Variants in ACSM2A observed in about 807,000 individuals in gnomAD.
ACSM2A encodes the protein acyl-coenzyme A synthetase ACSM2A, mitochondrial.
Under a neutral mutation model 76.6 loss-of-function variants are expected in ACSM2A, and 72 were observed. The ratio of observed to expected loss-of-function variants is 0.94; its 90% confidence interval spans 0.78 to 1.14. The LOEUF (loss-of-function observed/expected upper bound fraction) is 1.14. ACSM2A is among the 50% of genes most tolerant of loss of function. The pLI, the probability that ACSM2A is intolerant of heterozygous loss-of-function variation, is 0.00. For synonymous variants in ACSM2A, 249 were observed against 255.9 expected, an observed-to-expected ratio of 0.97 and a Z score of 0.26; for missense variants, 684 against 708.5, an observed-to-expected ratio of 0.97 and a Z score of 0.39.
At chr16:20,475,222 C>A (rs866736598) in intron 6 of ACSM2A, 140 bp from the exon 7 acceptor site, 4 of 1,544,156 alleles carry the variant, frequency 2.6e-6, no homozygotes, top group Non-Finnish European at 3.5e-6. Context: ...CTCATTTAAC[C>A]TGAATCAGAC....
chr16:20,469,870 GTATTTTTT>G (rs2013274746), intron 4 of ACSM2A, 151 bp downstream of exon 4: 21 of 616,404 alleles, frequency 3.4e-5, no homozygotes, highest in South Asian at 7.1e-5. Context: ...TAACACAAGG[GTATTTTTT>G]TTTTTTTTTT....
intron 13 of ACSM2A, among the ~76,000 whole-genome samples, chr16:20,484,017 A>G (rs1256595951): frequency 1.3e-5 from 2 of 150,984 alleles, no homozygotes; most frequent in African/African-American, 4.9e-5. Context: ...GCAGCTTAGA[A>G]AACTCCAGTA....
At chr16:20,482,666 G>A (rs755871244) in intron 12 of ACSM2A, 16 of 168,016 alleles carry the variant, frequency 9.5e-5, no homozygotes, top group East Asian at 1.6e-4. Flanking sequence ...TTTATTTACC[G>A]TAAGTTAAAT....
rs1415469459 is a variant in ACSM2A, at chr16:20,469,870, GTATTT to G, written c.596+153_596+157del. On this transcript the variant is annotated intron_variant, in intron 4 of 13. Transcript: ENST00000573854. ...GGAAGAAATAAAAGCTAACACAAGGGTATTTTTTTTTTTTTTTTTTTTTTTTCAAA... is the reference window on the plus strand; with the variant it reads ...GGAAGAAATAAAAGCTAACACAAGGGTTTTTTTTTTTTTTTTTTTTTCAAA... The G allele has an allele frequency of 1.2e-3, 751 of 616,914 alleles. 5 individuals carry two copies. Among genetic ancestry groups the G allele is most frequent in the East Asian group, 3.4e-3 (63 of 18,590 alleles). 38.2% of individuals were successfully genotyped at this position (616,914 alleles called of 1,614,324 possible). A position where few individuals can be genotyped will look rare whatever the true frequency, so the allele number is the denominator to read the frequency against.
chr16:20,475,520 C>A, intron 7 of ACSM2A, 79 bp downstream of exon 7: 6 of 1,604,558 alleles, frequency 3.7e-6, no homozygotes, highest in Non-Finnish European at 5.1e-6. Context: ...GCCTATCTAT[C>A]TGAATCTCTC....
intron 12 of ACSM2A, chr16:20,482,071 T>C (rs191779951): frequency 1.6e-5 from 2 of 126,694 alleles, no homozygotes; most frequent in Admixed American, 1.6e-4. Context: ...GGGGGCGGAG[T>C]TTGCAGTGAG....
chr16:20,465,577 A>G lies in ACSM2A; in HGVS notation c.238A>G (p.Met80Val), dbSNP rs1438558559. 2 of 1,613,952 alleles carry G rather than the reference A, an allele frequency of 1.2e-6. No individual in the cohort carries two copies. The highest frequency in any genetic ancestry group is 2.2e-5 in the East Asian group (1 of 44,870). ...WWVNGKGKEL[M>V]WNFRELSENS... The stretch of plus-strand genomic sequence containing the variant: ...GGTGAATGGGAAGGGGAAGGAATTA[A>G]TGTGGAATTTCAGAGAACTGAGTGA... Residue 80 changes from methionine (M) to valine (V), a missense_variant, in exon 3 of 14, where the codon ATG becomes GTG. Transcript: ENST00000573854.
intron 1 of ACSM2A, among the ~76,000 whole-genome samples, chr16:20,457,494 G>A (rs560163489): frequency 2.0e-5 from 3 of 152,232 alleles, no homozygotes; most frequent in East Asian, 3.9e-4. Context: ...TACCAGGGAT[G>A]CAGGAATGGT....
chr16:20,472,936 G>C (rs1271037588), intron 6 of ACSM2A, among the ~76,000 whole-genome samples: 1 of 152,128 alleles, frequency 6.6e-6, no homozygotes, highest in African/African-American at 2.4e-5. Flanking sequence ...AAGCAATTCA[G>C]AAGAATAAAT....
chr16:20,456,564 A>G (rs1261141334), intron 1 of ACSM2A, among the ~76,000 whole-genome samples: 1 of 151,916 alleles, frequency 6.6e-6, no homozygotes, highest in Non-Finnish European at 1.5e-5. Flanking sequence ...TGGATCAACA[A>G]TGAAATCAAG....
chr16:20,471,793 C>G, intron 6 of ACSM2A, 104 bp downstream of exon 6: 1 of 1,535,542 alleles, frequency 6.5e-7, no homozygotes, highest in Non-Finnish European at 8.8e-7. Flanking sequence ...TTGCTAAACC[C>G]CTGCCATGTG....
rs555726125 is a variant in ACSM2A, at chr16:20,475,550, A to C, written c.975-100A>C. 6 of 1,604,828 alleles carry C rather than the reference A, an allele frequency of 3.7e-6. No homozygotes were observed. The African/African-American group carries it at 6.7e-5, about 18-fold the overall frequency. ...TCTCTCGCACACAGAGAGCCCCATGAAGCCATTTGCATCATCAAAGCACCC... is the reference window on the plus strand; with the variant it reads ...TCTCTCGCACACAGAGAGCCCCATGCAGCCATTTGCATCATCAAAGCACCC... On this transcript the variant is annotated intron_variant, in intron 7 of 13. Transcript: ENST00000573854.
intron 2 of ACSM2A, among the ~76,000 whole-genome samples, chr16:20,464,681 C>T (rs1357328881): frequency 6.6e-6 from 1 of 152,104 alleles, no homozygotes; most frequent in African/African-American, 2.4e-5. Flanking sequence ...TGCATTTCAA[C>T]ATGAGACTTG....
chr16:20,475,555 A>G lies in ACSM2A; in HGVS notation c.975-95A>G, dbSNP rs1432877150. 4 of 1,605,124 alleles carry G rather than the reference A, an allele frequency of 2.5e-6. No homozygotes were observed. The African/African-American group carries it at 5.4e-5, about 22-fold the overall frequency. On this transcript the variant is annotated intron_variant, in intron 7 of 13. Coordinates refer to ENST00000573854, the MANE Select transcript of ACSM2A (RefSeq NM_001308172.2). ...CGCACACAGAGAGCCCCATGAAGCC[A>G]TTTGCATCATCAAAGCACCCAGAAA...
intron 13 of ACSM2A, among the ~76,000 whole-genome samples, chr16:20,485,734 C>A (rs1231438385): frequency 2.6e-5 from 4 of 152,208 alleles, no homozygotes; most frequent in African/African-American, 4.8e-5. Flanking sequence ...TAGAAGAATT[C>A]TTATATCAGC....
intron 6 of ACSM2A, 44 bp downstream of exon 6, chr16:20,471,733 G>T (rs748794166): frequency 1.3e-6 from 2 of 1,582,412 alleles, no homozygotes; most frequent in Admixed American, 3.5e-5. Context: ...GAGTGAGCCC[G>T]AGGTTTGCAC....
chr16:20,478,274 A>G (rs911475752), intron 9 of ACSM2A, among the ~76,000 whole-genome samples: 7 of 152,180 alleles, frequency 4.6e-5, no homozygotes, highest in Admixed American at 2.0e-4. Flanking sequence ...TTCTAAGTCC[A>G]CAGGTGAGGC....
chr16:20,460,853 C>A (rs2012580307), intron 2 of ACSM2A, among the ~76,000 whole-genome samples: 1 of 125,702 alleles, frequency 8.0e-6, no homozygotes, highest in African/African-American at 3.4e-5. Flanking sequence ...AAGTGGGGGG[C>A]AAATCAGCAC....
rs548924641 is a variant in ACSM2A, at chr16:20,461,296, TA to T, written c.177+1013del. ...AGACGGCCCTAGGTGTGGGTACTCT[TA>T]AAAAAAATAAGGTTCAACATTTTAA... On this transcript the variant is annotated intron_variant, in intron 2 of 13. Coordinates refer to ENST00000573854, the MANE Select transcript of ACSM2A (RefSeq NM_001308172.2). 7.3e-3 allele frequency among the ~76,000 whole-genome samples: 1,100 copies of T among 150,636 alleles called. 14 individuals are homozygous for T. The highest frequency in any genetic ancestry group is 0.026 in the African/African-American group (1,065 of 40,928).
Sources: gnomAD v4.1 joint callset for allele counts (sites outside exome capture counted in the v4.1 genomes callset) on GRCh38, gnomAD v4.1.1 for gene constraint, MANE v1.5 for transcripts, NCBI Gene and HGNC (gene_info 2026-07-23, HGNC 2026-07-21) for gene names.